Variants in OSBPL1A observed in about 807,000 individuals in gnomAD.
OSBPL1A encodes oxysterol binding protein like 1A.
OSBPL1A carries 80 observed loss-of-function variants against 137.1 expected under a neutral mutation model. That is an observed-to-expected ratio of 0.58 (90% confidence interval 0.49 to 0.70). The LOEUF is 0.70. Among genes scored for constraint, OSBPL1A ranks in the 30% least tolerant of loss-of-function variants. The probability of loss-of-function intolerance (pLI) is 0.00; values close to 1 mark genes in which losing one functional copy is unlikely to be tolerated. For synonymous variants in OSBPL1A, 365 were observed against 389.7 expected (o/e 0.94, Z 0.75); for missense variants, 970 against 1,129.4 (o/e 0.86, Z 2.02).
At chr18:24,392,438 C>T (rs1907423811) in intron 1 of OSBPL1A, among the ~76,000 whole-genome samples, 1 of 152,126 alleles carries the variant, frequency 6.6e-6, no homozygotes, top group Admixed American at 6.6e-5. Context: ...AGATTACAGG[C>T]GTGAGCCACC....
At chr18:24,272,675 A>C (rs2089751370) in intron 15 of OSBPL1A, among the ~76,000 whole-genome samples, 1 of 152,216 alleles carries the variant, frequency 6.6e-6, no homozygotes, top group Admixed American at 6.5e-5. Flanking sequence ...TAAAGTGTTT[A>C]ACTCTGTCCT....
intron 12 of OSBPL1A, among the ~76,000 whole-genome samples, chr18:24,313,547 T>C (rs938865705): frequency 6.6e-6 from 1 of 152,172 alleles, no homozygotes; most frequent in Non-Finnish European, 1.5e-5. Context: ...TGAGTCTCCA[T>C]TGTAATGAGT....
At chr18:24,329,830 T>C (rs1019860645) in intron 7 of OSBPL1A, among the ~76,000 whole-genome samples, 13 of 152,132 alleles carry the variant, frequency 8.5e-5, no homozygotes, top group African/African-American at 3.1e-4. Flanking sequence ...AAGGAAAGCA[T>C]CTTCTAAATC....
At chr18:24,280,972 G>A (rs748486597) in intron 14 of OSBPL1A, 24 bp from the exon 15 acceptor site, 13 of 1,495,930 alleles carry the variant, frequency 8.7e-6, no homozygotes, top group Admixed American at 3.8e-5. Context: ...AATAAATACA[G>A]TGAGTCGGAT....
chr18:24,291,737 T>C (rs1174639234), intron 14 of OSBPL1A, among the ~76,000 whole-genome samples: 4 of 149,838 alleles, frequency 2.7e-5, no homozygotes, highest in African/African-American at 9.9e-5. Flanking sequence ...GTGAAAAATC[T>C]TTGCAGTAAC....
At position 24,198,205 on chromosome 18, in the gene OSBPL1A, C is replaced by T. The variant is rs73967697; in HGVS notation, c.1602-2005G>A. Among the ~76,000 whole-genome samples the T allele has an allele frequency of 5.3e-3, 808 of 152,268 alleles. 10 individuals are homozygous for T. Among genetic ancestry groups the T allele is most frequent in the African/African-American group, 0.018 (752 of 41,554 alleles). ...AGGGCTGTCATTCACCCCCAACAAA[C>T]GCTGACATTAAATGTATAGACCGTG... On this transcript the variant is annotated intron_variant, in intron 17 of 27. Transcript: ENST00000319481.
intron 12 of OSBPL1A, among the ~76,000 whole-genome samples, chr18:24,312,462 A>G (rs952764205): frequency 3.3e-5 from 5 of 152,198 alleles, no homozygotes; most frequent in African/African-American, 1.2e-4. Flanking sequence ...TAACAGAATA[A>G]GTTACTATAT....
intron 14 of OSBPL1A, among the ~76,000 whole-genome samples, chr18:24,302,011 A>G (rs1175449410): frequency 6.6e-6 from 1 of 152,068 alleles, no homozygotes. Flanking sequence ...GGTGGATCAC[A>G]AGGTCAGGAG....
intron 15 of OSBPL1A, among the ~76,000 whole-genome samples, chr18:24,249,291 T>C (rs953073588): frequency 6.6e-6 from 1 of 152,214 alleles, no homozygotes; most frequent in Admixed American, 6.5e-5. Flanking sequence ...TATGGTATAA[T>C]GTATTTAAAA....
Position 24,180,560 on chromosome 18 carries a change from G to A in OSBPL1A, c.1812+585C>T, listed in dbSNP as rs553621453. On this transcript the variant is annotated intron_variant, in intron 19 of 27. Coordinates refer to ENST00000319481, the MANE Select transcript of OSBPL1A (RefSeq NM_080597.4). ...GGTTGAATTCTTCCCCTAACACAAC[G>A]CTACTTTCTCAACTAAAGATTTAGC... is the stretch of plus-strand genomic sequence containing the variant. 1.4e-4 allele frequency among the ~76,000 whole-genome samples: 21 copies of A among 151,996 alleles called. 1 individual carries two copies. The highest frequency in any genetic ancestry group is 6.3e-4 in the South Asian group (3 of 4,800).
chr18:24,187,329 C>A (rs903607911), intron 18 of OSBPL1A, among the ~76,000 whole-genome samples: 1 of 152,170 alleles, frequency 6.6e-6, no homozygotes, highest in African/African-American at 2.4e-5. Context: ...GGTAGCACAG[C>A]AGTGCGAGTG....
intron 14 of OSBPL1A, among the ~76,000 whole-genome samples, chr18:24,301,711 G>A (rs1047262020): frequency 3.9e-5 from 6 of 152,152 alleles, no homozygotes; most frequent in Non-Finnish European, 8.8e-5. Context: ...ACTCCAGCCT[G>A]CAACTAATAA....
At chr18:24,231,874 G>A (rs1296522940) in intron 16 of OSBPL1A, among the ~76,000 whole-genome samples, 2 of 152,198 alleles carry the variant, frequency 1.3e-5, no homozygotes, top group African/African-American at 4.8e-5. Context: ...AACAATTCTT[G>A]TAAGTTATCC....
At chr18:24,171,329 G>A in intron 23 of OSBPL1A, 80 bp downstream of exon 23, 3 of 1,137,928 alleles carry the variant, frequency 2.6e-6, no homozygotes, top group African/African-American at 1.5e-5. Flanking sequence ...ACTGTGCCCA[G>A]CCGACAATGT....
chr18:24,334,455 A>C lies in OSBPL1A; in HGVS notation c.395-125T>G, dbSNP rs142573543. The C allele has an allele frequency of 2.7e-3, 1,536 of 579,458 alleles. 18 individuals are homozygous for C. Among genetic ancestry groups the C allele is most frequent in the African/African-American group, 0.026 (1,314 of 51,190 alleles). 35.9% of individuals were successfully genotyped at this position (579,458 alleles called of 1,614,324 possible). A position where few individuals can be genotyped will look rare whatever the true frequency, so the allele number is the denominator to read the frequency against. On this transcript the variant is annotated intron_variant, in intron 5 of 27. Coordinates refer to ENST00000319481, the MANE Select transcript of OSBPL1A (RefSeq NM_080597.4). ...TTGGATTGTAATTCAAATGCAGTTA[A>C]AATTTATTGTTATTACCTTACAATT...
intron 17 of OSBPL1A, among the ~76,000 whole-genome samples, chr18:24,198,867 T>G (rs1469405573): frequency 2.7e-5 from 4 of 150,694 alleles, no homozygotes; most frequent in African/African-American, 9.8e-5. Context: ...TTTGTTGTTT[T>G]TTTTTTTTGA....
At chr18:24,196,922 C>T (rs1178445700) in intron 17 of OSBPL1A, among the ~76,000 whole-genome samples, 3 of 152,180 alleles carry the variant, frequency 2.0e-5, no homozygotes, top group Non-Finnish European at 4.4e-5. Flanking sequence ...CTTGGATAAG[C>T]AGCACATCAG....
intron 17 of OSBPL1A, among the ~76,000 whole-genome samples, chr18:24,200,603 C>T (rs755291701): frequency 9.9e-5 from 15 of 150,988 alleles, no homozygotes; most frequent in African/African-American, 2.4e-4. Flanking sequence ...GTTTCTCAGT[C>T]GTACTACCCA....
At chr18:24,212,585 C>A (rs2087577892) in intron 17 of OSBPL1A, among the ~76,000 whole-genome samples, 1 of 152,086 alleles carries the variant, frequency 6.6e-6, no homozygotes, top group African/African-American at 2.4e-5. Flanking sequence ...TTTAGTCACA[C>A]AACTCACAGA....
Sources: gnomAD v4.1 joint callset for allele counts (sites outside exome capture counted in the v4.1 genomes callset) on GRCh38, gnomAD v4.1.1 for gene constraint, MANE v1.5 for transcripts, NCBI Gene and HGNC (gene_info 2026-07-23, HGNC 2026-07-21) for gene names.